ADAM7: variants seen among roughly 807,000 people sequenced by gnomAD.
The protein encoded by ADAM7 is disintegrin and metalloproteinase domain-containing protein 7.
ADAM7 carries 97 observed loss-of-function variants against 102.9 expected under a neutral mutation model. The ratio of observed to expected loss-of-function variants is 0.94; its 90% CI spans 0.80 to 1.12. The LOEUF is 1.12. Ranked by LOEUF, ADAM7 falls within the 50% of genes most tolerant of loss-of-function variation. ADAM7 has a pLI of 0.00. For missense variants in ADAM7, 991 were observed against 908.7 expected (o/e 1.09, Z -1.16); for synonymous variants, 334 against 304.4 (o/e 1.10, Z -1.01).
At chr8:24,487,691 G>C (rs1820191619) in intron 11 of ADAM7, among the ~76,000 whole-genome samples, 1 of 151,902 alleles carries the variant, frequency 6.6e-6, no homozygotes, top group Non-Finnish European at 1.5e-5. Context: ...AGTGGATTTT[G>C]AGTCAAAATC....
chr8:24,460,063 C>G (rs1296487004), intron 3 of ADAM7, among the ~76,000 whole-genome samples: 1 of 151,454 alleles, frequency 6.6e-6, no homozygotes, highest in East Asian at 1.9e-4. Flanking sequence ...TATTTAATTA[C>G]CAATGTTTGG....
At position 24,501,555 on chromosome 8, in the gene ADAM7, G is replaced by C. The variant is rs13277171; in HGVS notation, c.2187G>C (p.Leu729=). ...AGCAGATAAGGACTGAGCCAATCCTGCCAGAAATTCATTTCCTAAATGTAA... is the reference window on the plus strand; with the variant it reads ...AGCAGATAAGGACTGAGCCAATCCTCCCAGAAATTCATTTCCTAAATGTAA... The part of the protein sequence containing the change: ...DEQQIRTEPI[L]PEIHFLNKPA... The change falls in exon 20 of 22, where the codon CTG becomes CTC. Residue 729 remains leucine (L), a synonymous_variant. Transcript: ENST00000175238. The C allele has an allele frequency of 6.3e-7, 1 of 1,594,216 alleles. No homozygotes were observed. The highest frequency in any genetic ancestry group is 2.2e-5 in the East Asian group (1 of 44,614).
At chr8:24,507,450 A>G (rs756351974) in intron 20 of ADAM7, 30 bp from the exon 21 acceptor site, 1 of 1,578,338 alleles carries the variant, frequency 6.3e-7, no homozygotes, top group South Asian at 1.1e-5. Context: ...CTGATGTGGC[A>G]CATGATACAA....
intron 3 of ADAM7, among the ~76,000 whole-genome samples, chr8:24,452,296 C>T (rs7014216): frequency 0.43 from 62,494 of 145,090 alleles, 14,161 homozygotes; most frequent in Non-Finnish European, 0.49. Context: ...AGTCTCTTTG[C>T]AGGTCACTCA....
In ADAM7 at chr8:24,482,145, T is replaced by C; in HGVS notation, c.709T>C (p.Tyr237His). The C allele has an allele frequency of 6.3e-7, 1 of 1,578,962 alleles. No homozygotes were observed. Among genetic ancestry groups the C allele is most frequent in the South Asian group, 1.2e-5 (1 of 84,386 alleles). ...AAATGATTTCTTCTTTGAACAGATT[T>C]ATAAAACCTTAAACATCCATGTGAC... Reference protein sequence around the residue: ...WGMVNFVNMIYKTLNIHVTLV... With the variant: ...WGMVNFVNMIHKTLNIHVTLV... Residue 237 changes from tyrosine to histidine, a missense_variant, in exon 9 of 22, where the codon TAT (tyrosine) becomes CAT (histidine). Coordinates refer to ENST00000175238, the MANE Select transcript of ADAM7 (RefSeq NM_003817.4).
intron 11 of ADAM7, 100 bp from the exon 12 acceptor site, chr8:24,489,059 T>C (rs1820244487): frequency 8.8e-7 from 1 of 1,131,494 alleles, no homozygotes; most frequent in African/African-American, 1.6e-5. Context: ...AGTAAACATT[T>C]ACATTTGTTC....
chr8:24,453,967 C>CT (rs1432043056), intron 3 of ADAM7, among the ~76,000 whole-genome samples: 1 of 152,162 alleles, frequency 6.6e-6, no homozygotes, highest in African/African-American at 2.4e-5. Flanking sequence ...GAACAGCGGA[C>CT]TTTTGTGAAC....
At chr8:24,466,521 C>T (rs993111980) in intron 5 of ADAM7, among the ~76,000 whole-genome samples, 2 of 152,156 alleles carry the variant, frequency 1.3e-5, no homozygotes, top group East Asian at 1.9e-4. Context: ...GACTTGACAG[C>T]GGTCCACAAC....
At chr8:24,452,409 C>T (rs1013330798) in intron 3 of ADAM7, among the ~76,000 whole-genome samples, 2 of 148,412 alleles carry the variant, frequency 1.3e-5, no homozygotes, top group Non-Finnish European at 3.0e-5. Flanking sequence ...ATGTAATGGC[C>T]TTCTTTGTCT....
chr8:24,462,960 A>G (rs1563379130), intron 3 of ADAM7, among the ~76,000 whole-genome samples: 1 of 152,148 alleles, frequency 6.6e-6, no homozygotes, highest in Non-Finnish European at 1.5e-5. Flanking sequence ...AATGTTCAAA[A>G]TTTGGAATAT....
rs146766109 is a variant in ADAM7 at position 24,471,656 on chromosome 8, C to T, written c.633+2836C>T. On this transcript the variant is annotated intron_variant, in intron 7 of 21. Transcript: ENST00000175238. ...AGGTTATAACATTTAGGTTTGTGTACGTATGCTTTATGATGTTTGCACAAA... is the reference window on the plus strand; with the variant it reads ...AGGTTATAACATTTAGGTTTGTGTATGTATGCTTTATGATGTTTGCACAAA... Among the ~76,000 whole-genome samples, 64 of 152,072 alleles carry T rather than the reference C, an allele frequency of 4.2e-4. 1 individual carries two copies. In the East Asian group the frequency reaches 5.8e-3, roughly 14 times the overall value.
Position 24,501,559 on chromosome 8 carries a change from G to A in ADAM7, c.2191G>A (p.Glu731Lys). The change falls in exon 20 of 22, where the codon GAA becomes AAA. Residue 731 changes from glutamate (E) to lysine (K), a missense_variant. Physicochemically the swap from Glu to Lys is moderately conservative, Grantham distance 56. Transcript: ENST00000175238. ...QQIRTEPILP[E>K]IHFLNKPASK... ...GATAAGGACTGAGCCAATCCTGCCAGAAATTCATTTCCTAAATGTAAGAAA... is the reference window on the plus strand; with the variant it reads ...GATAAGGACTGAGCCAATCCTGCCAAAAATTCATTTCCTAAATGTAAGAAA... 1 of 1,591,570 alleles carries A rather than the reference G, an allele frequency of 6.3e-7. No individual in the cohort carries two copies. Among genetic ancestry groups the A allele is most frequent in the Non-Finnish European group, 8.5e-7 (1 of 1,173,592 alleles).
At chr8:24,468,664 C>A in intron 6 of ADAM7, 103 bp from the exon 7 acceptor site, 1 of 972,812 alleles carries the variant, frequency 1.0e-6, no homozygotes. Context: ...GTATCAATAT[C>A]AACATTTCTT....
In ADAM7 at chr8:24,505,745, A is replaced by G. The variant is rs1013016975; in HGVS notation, c.2209-1735A>G. ...ATTTACTGGGGAGTTAACAGAATGCACTTTAAAGAGGGAAACTTAATTTAG... is the reference window on the plus strand; with the variant it reads ...ATTTACTGGGGAGTTAACAGAATGCGCTTTAAAGAGGGAAACTTAATTTAG... On this transcript the variant is annotated intron_variant, in intron 20 of 21. Transcript: ENST00000175238. 3.9e-5 allele frequency among the ~76,000 whole-genome samples: 6 copies of G among 152,156 alleles called. 1 individual carries two copies. The highest frequency in any genetic ancestry group is 4.1e-4 in the South Asian group (2 of 4,828).
intron 2 of ADAM7, among the ~76,000 whole-genome samples, chr8:24,446,847 A>T (rs1045090344): frequency 1.3e-5 from 2 of 149,270 alleles, no homozygotes; most frequent in South Asian, 2.1e-4. Flanking sequence ...ATGCTATATT[A>T]TATTATATTA....
chr8:24,474,617 G>T (rs1819709652), intron 7 of ADAM7, among the ~76,000 whole-genome samples: 1 of 152,108 alleles, frequency 6.6e-6, no homozygotes, highest in Non-Finnish European at 1.5e-5. Flanking sequence ...GAGGTCAGGT[G>T]CAGTGGCTCA....
Position 24,466,989 on chromosome 8 carries a change from G to A in ADAM7, c.579+1G>A, listed in dbSNP as rs776682016. The A allele has an allele frequency of 6.2e-7, 1 of 1,609,958 alleles. No homozygotes were observed. On this transcript the variant is annotated splice_donor_variant, in intron 6 of 21. Transcript: ENST00000175238. LOFTEE classifies it high-confidence loss of function. The stretch of plus-strand genomic sequence containing the variant: ...ATCTGAAGAAGACTCCAAAATAAAA[G>A]TGAGTACTTTATTATTATCTTTACC...
In ADAM7 at chr8:24,489,194, A is replaced by T. The variant is rs140850051; in HGVS notation, c.1127A>T (p.Asn376Ile). The change falls in exon 12 of 22, where the codon AAC becomes ATC. Residue 376 changes from asparagine (N) to isoleucine (I), a missense_variant. Asn to Ile is a moderately radical substitution (Grantham distance 149). Coordinates refer to ENST00000175238, the MANE Select transcript of ADAM7 (RefSeq NM_003817.4). ...CTGAAATTCAGTAAATGCAGCCAAA[A>T]CCAATACCACCAGTACTTGAAGGAT... ...PALKFSKCSQ[N>I]QYHQYLKDYK... is the part of the protein sequence containing the mutation. 52 of 1,612,268 alleles carry T rather than the reference A, an allele frequency of 3.2e-5. No homozygotes were observed. Among genetic ancestry groups the T allele is most frequent in the Non-Finnish European group, 4.2e-5 (50 of 1,179,350 alleles).
At chr8:24,457,222 AT>A (rs1438482916) in intron 3 of ADAM7, among the ~76,000 whole-genome samples, 18 of 152,106 alleles carry the variant, frequency 1.2e-4, no homozygotes, top group Non-Finnish European at 2.1e-4. Flanking sequence ...TCATTTGTAT[AT>A]CTTTTTAATC....
Sources: allele counts gnomAD v4.1 joint callset (sites outside exome capture counted in the v4.1 genomes callset), GRCh38; gene constraint gnomAD v4.1.1; transcripts MANE v1.5; gene names NCBI Gene and HGNC (gene_info 2026-07-23, HGNC 2026-07-21).